Variants in NTRK2 observed in about 807,000 individuals in gnomAD.
The protein encoded by NTRK2 is BDNF/NT-3 growth factors receptor.
A neutral mutation model predicts 94.5 loss-of-function variants in NTRK2; 13 were observed. The ratio of observed to expected loss-of-function variants is 0.14; its 90% confidence interval spans 0.09 to 0.22. The LOEUF is 0.22. Among genes scored for constraint, NTRK2 ranks in the 10% least tolerant of loss-of-function variants. The pLI is 1.00. For synonymous variants in NTRK2, 372 were observed against 407.4 expected (o/e 0.91, Z 1.05); for missense variants, 639 against 1,071.2 (o/e 0.60, Z 5.63).
At chr9:84,755,163 G>A (rs1440810207) in intron 12 of NTRK2, among the ~76,000 whole-genome samples, 3 of 152,204 alleles carry the variant, frequency 2.0e-5, no homozygotes, top group Non-Finnish European at 4.4e-5. Context: ...CCAGTGAATT[G>A]CAGTGTTGTC....
intron 15 of NTRK2, among the ~76,000 whole-genome samples, chr9:84,945,007 G>C (rs1564488973): frequency 6.6e-6 from 1 of 152,184 alleles, no homozygotes; most frequent in Non-Finnish European, 1.5e-5. Flanking sequence ...TGCTTCTTCT[G>C]ATGCTAAGCT....
intron 17 of NTRK2, among the ~76,000 whole-genome samples, chr9:85,017,645 T>C (rs1340699828): frequency 2.6e-5 from 4 of 152,256 alleles, no homozygotes; most frequent in Non-Finnish European, 5.9e-5. Flanking sequence ...CAGTCCCTGA[T>C]GGATCTCCTT....
chr9:84,953,010 A>G (rs1482523238), intron 16 of NTRK2, among the ~76,000 whole-genome samples: 1 of 152,200 alleles, frequency 6.6e-6, no homozygotes, highest in Non-Finnish European at 1.5e-5. Context: ...ATTCTGACCG[A>G]GTCTCTGGGT....
chr9:84,695,935 A>G (rs1270253408), intron 2 of NTRK2, among the ~76,000 whole-genome samples: 1 of 152,236 alleles, frequency 6.6e-6, no homozygotes, highest in Non-Finnish European at 1.5e-5. Context: ...TTGAAGAATC[A>G]TGGAGGCCAT....
intron 12 of NTRK2, among the ~76,000 whole-genome samples, chr9:84,796,915 A>T (rs2069398623): frequency 6.6e-6 from 1 of 152,168 alleles, no homozygotes; most frequent in Admixed American, 6.5e-5. Flanking sequence ...TTGCCAAAAC[A>T]TGCTGGAAAT....
chr9:84,957,414 G>T (rs1430784037), intron 17 of NTRK2, among the ~76,000 whole-genome samples: 1 of 152,120 alleles, frequency 6.6e-6, no homozygotes, highest in African/African-American at 2.4e-5. Flanking sequence ...ACAATAAAAA[G>T]ATAAATCACT....
At position 84,702,151 on chromosome 9, in the gene NTRK2, T is replaced by C. The variant is rs1371682539; in HGVS notation, c.213-8T>C. ...AGTCACTGCGATTCACTCTCTGCTT[T>C]GTTACAGTTTCATCGCAAACCAGAA... On this transcript the variant is annotated splice_region_variant and splice_polypyrimidine_tract_variant and intron_variant, in intron 2 of 18. Transcript: ENST00000277120. 6.2e-7 allele frequency: 1 copy of C among 1,613,298 alleles called. No individual in the cohort carries two copies. Among genetic ancestry groups the C allele is most frequent in the Non-Finnish European group, 8.5e-7 (1 of 1,179,382 alleles).
intron 17 of NTRK2, among the ~76,000 whole-genome samples, chr9:85,017,877 C>G (rs964283338): frequency 2.0e-5 from 3 of 152,154 alleles, no homozygotes; most frequent in Non-Finnish European, 4.4e-5. Flanking sequence ...CTGGTTGCAC[C>G]ATAGCACTAT....
intron 17 of NTRK2, among the ~76,000 whole-genome samples, chr9:85,011,054 C>T (rs1258081426): frequency 1.3e-5 from 2 of 152,136 alleles, no homozygotes; most frequent in Non-Finnish European, 2.9e-5. Flanking sequence ...AGGGAACCTG[C>T]AAAGGGGTGT....
At chr9:84,942,649 T>A (rs940573052) in intron 15 of NTRK2, among the ~76,000 whole-genome samples, 2 of 152,192 alleles carry the variant, frequency 1.3e-5, no homozygotes, top group African/African-American at 4.8e-5. Flanking sequence ...ATGAAACTTA[T>A]TTTATCGATA....
chr9:84,930,175 T>G (rs565233726), intron 14 of NTRK2, among the ~76,000 whole-genome samples: 2 of 152,358 alleles, frequency 1.3e-5, no homozygotes, highest in South Asian at 4.1e-4. Flanking sequence ...AGTCTTACTC[T>G]CAGGAAAAGT....
rs1238064532 is a variant in NTRK2, at chr9:84,944,213, T to TCACACACA, written c.1765-4248_1765-4247insACACACAC. Among the ~76,000 whole-genome samples, 124 of 136,876 alleles carry TCACACACA rather than the reference T, an allele frequency of 9.1e-4. 1 individual carries two copies. Among genetic ancestry groups the TCACACACA allele is most frequent in the African/African-American group, 1.8e-3 (62 of 33,802 alleles). 89.8% of individuals were successfully genotyped at this position (136,876 alleles called of 152,430 possible). A position where few individuals can be genotyped will look rare whatever the true frequency, so the allele number is the denominator to read the frequency against. Reference sequence around the variant, plus strand: ...CTTGTTCTCTCTCTCTCTCTCTCTCTCTCACACACACACACACACACACAC... The same window carrying TCACACACA: ...CTTGTTCTCTCTCTCTCTCTCTCTCTCACACACACTCACACACACACACACACACACAC... On this transcript the variant is annotated intron_variant, in intron 15 of 18. Transcript: ENST00000277120.
intron 12 of NTRK2, among the ~76,000 whole-genome samples, chr9:84,769,169 T>C (rs2066301929): frequency 6.6e-6 from 1 of 152,176 alleles, no homozygotes; most frequent in South Asian, 2.1e-4. Context: ...GTAATTGCCT[T>C]AAATTGTACG....
chr9:85,019,242 T>C (rs1460107926), intron 17 of NTRK2, among the ~76,000 whole-genome samples: 1 of 152,112 alleles, frequency 6.6e-6, no homozygotes, highest in East Asian at 1.9e-4. Context: ...GTTAGAGAGG[T>C]CCAATTTTCT....
intron 15 of NTRK2, among the ~76,000 whole-genome samples, chr9:84,947,419 C>T (rs996772070): frequency 6.6e-6 from 1 of 152,212 alleles, no homozygotes; most frequent in African/African-American, 2.4e-5. Context: ...AGTGAACAGC[C>T]TTGGCAAAGG....
intron 12 of NTRK2, among the ~76,000 whole-genome samples, chr9:84,800,350 C>A (rs1054376217): frequency 6.6e-6 from 1 of 152,034 alleles, no homozygotes; most frequent in African/African-American, 2.4e-5. Context: ...ATTACAGGCA[C>A]CTGCCATCAC....
At chr9:84,979,275 A>G (rs1457766137) in intron 17 of NTRK2, among the ~76,000 whole-genome samples, 1 of 152,246 alleles carries the variant, frequency 6.6e-6, no homozygotes, top group Non-Finnish European at 1.5e-5. Flanking sequence ...CATGATTTGT[A>G]GGAAGAGGTC....
At chr9:84,881,009 C>A (rs2076237976) in intron 14 of NTRK2, among the ~76,000 whole-genome samples, 2 of 152,214 alleles carry the variant, frequency 1.3e-5, no homozygotes, top group Admixed American at 1.3e-4. Flanking sequence ...AGCTACAAAG[C>A]TGCAGAGCAT....
chr9:84,917,675 A>G (rs926887971), intron 14 of NTRK2, among the ~76,000 whole-genome samples: 1 of 152,204 alleles, frequency 6.6e-6, no homozygotes, highest in Non-Finnish European at 1.5e-5. Context: ...ACTTTGTCCA[A>G]GCAGAGTAAA....
Sources: gnomAD v4.1 joint callset for allele counts (sites outside exome capture counted in the v4.1 genomes callset) on GRCh38, gnomAD v4.1.1 for gene constraint, MANE v1.5 for transcripts, NCBI Gene and HGNC (gene_info 2026-07-23, HGNC 2026-07-21) for gene names.